The following RAB7B variants were observed in gnomAD, a reference collection of about 807,000 sequenced individuals.
RAB7B encodes ras-related protein Rab-7b.
At chr1:205,993,994 G>T in intron 2 of RAB7B, 89 bp downstream of exon 2, 1 of 398,184 alleles carries the variant, frequency 2.5e-6, no homozygotes, top group South Asian at 1.3e-4. Context: ...ATCAGAAAGG[G>T]ACCTATGGGA....
intron 1 of RAB7B, among the ~76,000 whole-genome samples, chr1:205,999,231 T>G: frequency 6.6e-6 from 1 of 152,284 alleles, no homozygotes; most frequent in Admixed American, 6.5e-5. Flanking sequence ...AGAAGGTGTG[T>G]GTGAGACATA....
At chr1:205,994,754 A>C (rs1660782376) in intron 1 of RAB7B, among the ~76,000 whole-genome samples, 1 of 152,228 alleles carries the variant, frequency 6.6e-6, no homozygotes. Flanking sequence ...GTCCTAAAGA[A>C]ATTATCCGAA....
At chr1:206,000,495 T>C (rs1660875104) in intron 1 of RAB7B, among the ~76,000 whole-genome samples, 1 of 152,180 alleles carries the variant, frequency 6.6e-6, no homozygotes, top group African/African-American at 2.4e-5. Flanking sequence ...CTCCACACAT[T>C]TGTGGCCTTG....
chr1:205,986,838 C>T (rs910483220), intron 4 of RAB7B, among the ~76,000 whole-genome samples: 1 of 152,018 alleles, frequency 6.6e-6, no homozygotes, highest in Non-Finnish European at 1.5e-5. Flanking sequence ...ACCATTCCAC[C>T]CCTCTCCCAG....
rs976879403 is a variant in RAB7B, at chr1:205,985,618, A to C, written c.444T>G (p.Pro148=). 1.3e-5 allele frequency: 5 copies of C among 399,024 alleles called. No homozygotes were observed. The highest frequency in any genetic ancestry group is 1.0e-4 in the African/African-American group (5 of 48,620). 24.7% of individuals were successfully genotyped at this position (399,024 alleles called of 1,614,324 possible). A position where few individuals can be genotyped will look rare whatever the true frequency, so the allele number is the denominator to read the frequency against. ...AQGWCREKDI[P]YFEVSAKNDI... ...CATTCTTGGCACTGACTTCAAAGTA[A>C]GGAATATCTTTCTCTCTACACCAGC... Residue 148 remains proline, a synonymous_variant, in exon 5 of 6, where the codon CCT becomes CCG. Transcript: ENST00000617070.
At chr1:205,985,084 G>A (rs1571792173) in intron 5 of RAB7B, among the ~76,000 whole-genome samples, 2 of 152,196 alleles carry the variant, frequency 1.3e-5, no homozygotes, top group South Asian at 2.1e-4. Flanking sequence ...CATTCTTGCC[G>A]AACCTTCGTA....
At position 205,977,902 on chromosome 1, in the gene RAB7B, G is replaced by A. The variant is rs1425870263; in HGVS notation, c.*949C>T. On this transcript the variant is annotated 3_prime_UTR_variant, in exon 6 of 6. Coordinates refer to ENST00000617070, the MANE Select transcript of RAB7B (RefSeq NM_001164522.3). Reference sequence around the variant, plus strand: ...CCCTGTCACTCTATCCCATTACCCTGTTTCCCTTTGTTTATAGCACTTACC... The same window carrying A: ...CCCTGTCACTCTATCCCATTACCCTATTTCCCTTTGTTTATAGCACTTACC... The A allele has an allele frequency of 6.6e-6, 1 of 152,066 alleles. No homozygotes were observed. Among genetic ancestry groups the A allele is most frequent in the Non-Finnish European group, 1.5e-5 (1 of 68,020 alleles). The allele number at this position is 152,066 out of a possible 1,614,324, so 9.4% of individuals were successfully genotyped here. A position where few individuals can be genotyped will look rare whatever the true frequency, so the allele number is the denominator to read the frequency against.
chr1:205,998,682 G>A (rs1313347610), intron 1 of RAB7B, among the ~76,000 whole-genome samples: 1 of 152,230 alleles, frequency 6.6e-6, no homozygotes, highest in Non-Finnish European at 1.5e-5. Context: ...AGCAGGGCTG[G>A]AGTACGTCTC....
chr1:205,990,791 CTTTTTTTT>C (rs1188419083), intron 4 of RAB7B, among the ~76,000 whole-genome samples: 27 of 138,646 alleles, frequency 1.9e-4, no homozygotes, highest in Non-Finnish European at 3.8e-4. Context: ...TTCTTTCTTT[CTTTTTTTT>C]TTTTTTGAGA....
intron 5 of RAB7B, among the ~76,000 whole-genome samples, chr1:205,984,878 C>G (rs1660561786): frequency 6.6e-6 from 1 of 152,248 alleles, no homozygotes; most frequent in South Asian, 2.1e-4. Context: ...CTTCTTCCCT[C>G]TCCCTCCTCC....
In RAB7B at chr1:205,978,751, G is replaced by A. The variant is rs1250919740; in HGVS notation, c.*100C>T. ...GGCCCCCTGCACTGTGCTTGGGCAGGCAGTGGGGCTGGAGGGGGATGGTCA... is the reference window on the plus strand; with the variant it reads ...GGCCCCCTGCACTGTGCTTGGGCAGACAGTGGGGCTGGAGGGGGATGGTCA... On this transcript the variant is annotated 3_prime_UTR_variant, in exon 6 of 6. Coordinates refer to ENST00000617070, the MANE Select transcript of RAB7B (RefSeq NM_001164522.3). 2.5e-6 allele frequency: 1 copy of A among 396,896 alleles called. No homozygotes were observed. Among genetic ancestry groups the A allele is most frequent in the Non-Finnish European group, 4.4e-6 (1 of 225,192 alleles). The allele number at this position is 396,896 out of a possible 1,614,324, so 24.6% of individuals were successfully genotyped here. A position where few individuals can be genotyped will look rare whatever the true frequency, so the allele number is the denominator to read the frequency against.
At chr1:205,999,821 G>A (rs1009002573) in intron 1 of RAB7B, among the ~76,000 whole-genome samples, 6 of 152,314 alleles carry the variant, frequency 3.9e-5, no homozygotes, top group Admixed American at 2.6e-4. Flanking sequence ...AGGCTGGAGT[G>A]CAGTGGCATG....
Position 205,993,348 on chromosome 1 carries a change from T to C in RAB7B, c.180+72A>G, listed in dbSNP as rs1660756692. On this transcript the variant is annotated intron_variant, in intron 3 of 5. Transcript: ENST00000617070. Reference sequence around the variant, plus strand: ...TCTAGCTCTGGTTCACATTGCTACATGAGTGGCTGTCCGGGCTTGGGGGGG... The same window carrying C: ...TCTAGCTCTGGTTCACATTGCTACACGAGTGGCTGTCCGGGCTTGGGGGGG... The C allele has an allele frequency of 1.3e-5, 5 of 397,146 alleles. 1 individual carries two copies. The South Asian group carries it at 6.6e-4, about 52-fold the overall frequency. 24.6% of individuals were successfully genotyped at this position (397,146 alleles called of 1,614,324 possible). A position where few individuals can be genotyped will look rare whatever the true frequency, so the allele number is the denominator to read the frequency against.
At chr1:205,980,245 G>C (rs976134702) in intron 5 of RAB7B, among the ~76,000 whole-genome samples, 1 of 152,230 alleles carries the variant, frequency 6.6e-6, no homozygotes, top group Admixed American at 6.5e-5. Context: ...GCACCATCTG[G>C]GGTAGGTGTG....
At chr1:205,986,750 G>A (rs1300328801) in intron 4 of RAB7B, among the ~76,000 whole-genome samples, 2 of 152,232 alleles carry the variant, frequency 1.3e-5, no homozygotes, top group Non-Finnish European at 2.9e-5. Flanking sequence ...CACATACTGA[G>A]CATTTGCTGA....
intron 1 of RAB7B, among the ~76,000 whole-genome samples, chr1:205,994,749 A>G (rs1322908018): frequency 6.6e-6 from 1 of 152,222 alleles, no homozygotes; most frequent in Admixed American, 6.5e-5. Context: ...AATTTGTCCT[A>G]AAGAAATTAT....
At chr1:205,996,143 AGTGT>A (rs1182397777) in intron 1 of RAB7B, among the ~76,000 whole-genome samples, 57,288 of 142,616 alleles carry the variant, frequency 0.4, 13,073 homozygotes, top group East Asian at 0.7. Flanking sequence ...GTAAATGTAT[AGTGT>A]GTGTGTGTGT....
At chr1:205,982,902 A>G (rs943542402) in intron 5 of RAB7B, among the ~76,000 whole-genome samples, 1 of 152,330 alleles carries the variant, frequency 6.6e-6, no homozygotes, top group Non-Finnish European at 1.5e-5. Flanking sequence ...TTAAGAATTG[A>G]TGTGAATTTT....
At chr1:205,988,637 T>C (rs1038224125) in intron 4 of RAB7B, among the ~76,000 whole-genome samples, 2 of 152,192 alleles carry the variant, frequency 1.3e-5, no homozygotes, top group African/African-American at 4.8e-5. Flanking sequence ...ATCATTTCCT[T>C]GTTCCATTAT....
Sources: allele counts gnomAD v4.1 joint callset (sites outside exome capture counted in the v4.1 genomes callset), GRCh38; gene constraint gnomAD v4.1.1; transcripts MANE v1.5; gene names NCBI Gene and HGNC (gene_info 2026-07-23, HGNC 2026-07-21).